Variants in EYS observed in about 807,000 individuals in gnomAD.
The protein encoded by EYS is protein eyes shut homolog.
In EYS, 250 loss-of-function variants were observed where a neutral mutation model predicts 282.1. The ratio of observed to expected loss-of-function variants is 0.89; its 90% CI spans 0.80 to 0.98. EYS has a LOEUF of 0.98. Among genes scored for constraint, EYS ranks in the 50% least tolerant of loss-of-function variants. EYS has a pLI of 0.00. For missense variants in EYS, 4,016 were observed against 3,709.0 expected, an observed-to-expected ratio of 1.08 and a Z score of -2.15; for synonymous variants, 1,355 against 1,282.9, an observed-to-expected ratio of 1.06 and a Z score of -1.20.
rs756721759 is a variant in EYS at position 64,170,977 on chromosome 6, G to A, written c.6424+59615C>T. ...GCATTGTGCTTACTTTCTGCAGCTC[G>A]GATTGTGATTTGACCCCCTTATGCC... On this transcript the variant is annotated intron_variant, in intron 31 of 42. Transcript: ENST00000503581. Among the ~76,000 whole-genome samples the A allele has an allele frequency of 1.2e-4, 19 of 152,064 alleles. No homozygotes were observed. In the Middle Eastern group the frequency reaches 0.01, roughly 82 times the overall value.
intron 12 of EYS, among the ~76,000 whole-genome samples, chr6:65,086,068 C>A (rs1774362170): frequency 6.7e-6 from 1 of 148,956 alleles, no homozygotes; most frequent in African/African-American, 2.5e-5. Context: ...GTCTCATTTC[C>A]TCTATAGTTT....
rs369593361 is a variant in EYS, at chr6:65,524,061, G to A, written c.-332-28068C>T. Among the ~76,000 whole-genome samples the A allele has an allele frequency of 1.1e-4, 17 of 152,214 alleles. No individual in the cohort carries two copies. In the South Asian group the frequency reaches 1.2e-3, roughly 11 times the overall value. ...TAATTTTTGTATTTTTAGTAGAGAC[G>A]GGGTTTCGCCATGTTGGCCAGGCTG... On this transcript the variant is annotated intron_variant, in intron 2 of 42. Coordinates refer to ENST00000503581, the MANE Select transcript of EYS (RefSeq NM_001142800.2).
chr6:65,673,106 G>T (rs1274855005), intron 1 of EYS, among the ~76,000 whole-genome samples: 7 of 152,242 alleles, frequency 4.6e-5, no homozygotes, highest in African/African-American at 1.7e-4. Context: ...TATACGTGCA[G>T]GTCACAGGGG....
chr6:65,400,422 C>A (rs1307464629), intron 7 of EYS, among the ~76,000 whole-genome samples: 2 of 151,778 alleles, frequency 1.3e-5, no homozygotes, highest in Non-Finnish European at 2.9e-5. Context: ...ATTCCTTTTC[C>A]TTTCCTATCA....
At chr6:65,242,064 A>G (rs961131439) in intron 12 of EYS, among the ~76,000 whole-genome samples, 2 of 152,154 alleles carry the variant, frequency 1.3e-5, no homozygotes, top group Admixed American at 6.5e-5. Context: ...GATTACCTGT[A>G]TAATGACTCC....
chr6:64,634,824 T>C (rs529669479), intron 22 of EYS, among the ~76,000 whole-genome samples: 7 of 152,194 alleles, frequency 4.6e-5, no homozygotes, highest in Non-Finnish European at 1.0e-4. Context: ...ACATTCAATA[T>C]AAAAGAAATT....
intron 28 of EYS, among the ~76,000 whole-genome samples, chr6:64,422,941 A>C (rs1001812136): frequency 5.3e-5 from 8 of 151,680 alleles, no homozygotes; most frequent in Admixed American, 2.0e-4. Flanking sequence ...ATACATGTCT[A>C]TTAGGACTAT....
At chr6:64,549,305 G>A (rs1041506472) in intron 26 of EYS, among the ~76,000 whole-genome samples, 3 of 152,192 alleles carry the variant, frequency 2.0e-5, no homozygotes, top group Non-Finnish European at 4.4e-5. Flanking sequence ...CCTGGAAGAT[G>A]CCAATGGTAC....
chr6:64,980,845 G>A (rs969195141), intron 14 of EYS, among the ~76,000 whole-genome samples: 1 of 151,100 alleles, frequency 6.6e-6, no homozygotes, highest in Admixed American at 6.6e-5. Flanking sequence ...TTTGGAAATT[G>A]TCCATTTGAG....
chr6:64,441,407 A>G (rs13196887), intron 26 of EYS, among the ~76,000 whole-genome samples: 6 of 152,214 alleles, frequency 3.9e-5, no homozygotes, highest in Non-Finnish European at 5.9e-5. Flanking sequence ...GCAATTTTAA[A>G]CAAACAAGAA....
At chr6:65,606,247 T>C (rs1215906834) in intron 2 of EYS, among the ~76,000 whole-genome samples, 1 of 151,734 alleles carries the variant, frequency 6.6e-6, no homozygotes, top group Non-Finnish European at 1.5e-5. Context: ...TAAATGTACA[T>C]TAATATTCTA....
intron 34 of EYS, among the ~76,000 whole-genome samples, chr6:63,991,715 A>G (rs1767610577): frequency 6.6e-6 from 1 of 151,704 alleles, no homozygotes; most frequent in Non-Finnish European, 1.5e-5. Flanking sequence ...AAAACTCCAT[A>G]AATATGGGGA....
At chr6:65,173,796 G>C (rs1765165349) in intron 12 of EYS, among the ~76,000 whole-genome samples, 1 of 151,032 alleles carries the variant, frequency 6.6e-6, no homozygotes, top group East Asian at 2.0e-4. Flanking sequence ...GCACATTCTG[G>C]AATTGATTAC....
intron 28 of EYS, among the ~76,000 whole-genome samples, chr6:64,395,367 G>A (rs571496736): frequency 6.6e-6 from 1 of 152,206 alleles, no homozygotes; most frequent in Non-Finnish European, 1.5e-5. Context: ...CAATAGCAAA[G>A]ACTTGGAACC....
intron 39 of EYS, chr6:63,786,178 T>G (rs2149669180): frequency 7.6e-6 from 1 of 131,542 alleles, no homozygotes; most frequent in South Asian, 2.4e-4. Context: ...ACCACTGTAC[T>G]CCAGCCTTGA....
chr6:65,619,150 G>C (rs1245785635), intron 2 of EYS, among the ~76,000 whole-genome samples: 1 of 151,666 alleles, frequency 6.6e-6, no homozygotes, highest in East Asian at 1.9e-4. Flanking sequence ...GGGCAGTATG[G>C]CCATTTTCAC....
intron 2 of EYS, among the ~76,000 whole-genome samples, chr6:65,621,398 T>C (rs988495199): frequency 1.3e-5 from 2 of 151,550 alleles, no homozygotes; most frequent in African/African-American, 2.4e-5. Flanking sequence ...TTGTTTTCCA[T>C]TGGCTTGGTA....
intron 28 of EYS, among the ~76,000 whole-genome samples, chr6:64,401,363 G>A (rs963389988): frequency 2.6e-5 from 4 of 151,870 alleles, no homozygotes; most frequent in African/African-American, 9.7e-5. Flanking sequence ...TATCACATTT[G>A]CATTAAAAAA....
Position 63,720,726 on chromosome 6 carries a change from T to C in EYS, c.9305A>G (p.Glu3102Gly). Reference sequence around the variant, plus strand: ...GCCAACAAAATTGGTTTTAAAAATCTCTTGAGTAACGATATTTACCTTTCT... The same window carrying C: ...GCCAACAAAATTGGTTTTAAAAATCCCTTGAGTAACGATATTTACCTTTCT... ...YGRKVNIVTQ[E>G]IFKTNFVGKI... The change falls in exon 43 of 43, where the codon GAG becomes GGG. Residue 3102 changes from glutamate to glycine, a missense_variant. By Grantham distance (98) the Glu-to-Gly change is moderately conservative (BLOSUM62 -2). Coordinates refer to ENST00000503581, the MANE Select transcript of EYS (RefSeq NM_001142800.2). The C allele has an allele frequency of 1.7e-5, 26 of 1,549,380 alleles. No individual in the cohort carries two copies. Among genetic ancestry groups the C allele is most frequent in the Non-Finnish European group, 2.3e-5 (26 of 1,146,100 alleles).
Sources: allele counts gnomAD v4.1 joint callset (sites outside exome capture counted in the v4.1 genomes callset), GRCh38; gene constraint gnomAD v4.1.1; transcripts MANE v1.5; gene names NCBI Gene and HGNC (gene_info 2026-07-23, HGNC 2026-07-21).